Variants in ST6GALNAC5 observed in about 807,000 individuals in gnomAD.
The protein encoded by ST6GALNAC5 is ST6 N-acetylgalactosaminide alpha-2,6-sialyltransferase 5.
A neutral mutation model predicts 33.6 loss-of-function variants in ST6GALNAC5; 27 were observed. That is an observed-to-expected ratio of 0.80 (90% CI 0.59 to 1.11). ST6GALNAC5 has a LOEUF of 1.11. Ranked by LOEUF, ST6GALNAC5 falls within the 50% of genes least tolerant of loss-of-function variation. The probability of loss-of-function intolerance (pLI) is 0.00; values close to 1 mark genes in which losing one functional copy is unlikely to be tolerated. For missense variants in ST6GALNAC5, 428 were observed against 454.0 expected (o/e 0.94, Z 0.52); for synonymous variants, 194 against 171.2 (o/e 1.13, Z -1.04).
chr1:76,960,066 T>G (rs1448589622), intron 2 of ST6GALNAC5, among the ~76,000 whole-genome samples: 1 of 152,184 alleles, frequency 6.6e-6, no homozygotes, highest in Non-Finnish European at 1.5e-5. Context: ...ACCCCACTTT[T>G]AAATATACAC....
chr1:76,959,478 G>C (rs1343628143), intron 2 of ST6GALNAC5, among the ~76,000 whole-genome samples: 3 of 152,174 alleles, frequency 2.0e-5, no homozygotes, highest in Non-Finnish European at 4.4e-5. Flanking sequence ...TAGAACATAA[G>C]GAAACATGGC....
At chr1:76,903,367 TG>T (rs1033893073) in intron 2 of ST6GALNAC5, among the ~76,000 whole-genome samples, 2 of 152,144 alleles carry the variant, frequency 1.3e-5, no homozygotes, top group Non-Finnish European at 2.9e-5. Context: ...ATGGCTGTAT[TG>T]AAAAAAATAT....
intron 2 of ST6GALNAC5, among the ~76,000 whole-genome samples, chr1:76,897,109 C>T (rs1348035546): frequency 2.0e-5 from 3 of 151,624 alleles, no homozygotes; most frequent in African/African-American, 7.3e-5. Flanking sequence ...TTGGGCTTGA[C>T]TGAAGTAATG....
intron 4 of ST6GALNAC5, among the ~76,000 whole-genome samples, chr1:77,060,901 AG>A (rs1027476702): frequency 2.6e-5 from 4 of 152,204 alleles, no homozygotes; most frequent in African/African-American, 9.7e-5. Flanking sequence ...ATGGAATAAA[AG>A]CTTAACCCCA....
Position 76,868,475 on chromosome 1 carries a change from T to A in ST6GALNAC5, c.16-22T>A. The A allele has an allele frequency of 6.3e-7, 1 of 1,594,074 alleles. No homozygotes were observed. Among genetic ancestry groups the A allele is most frequent in the Admixed American group, 1.7e-5 (1 of 58,862 alleles). On this transcript the variant is annotated intron_variant, in intron 1 of 4. Coordinates refer to ENST00000477717, the MANE Select transcript of ST6GALNAC5 (RefSeq NM_030965.3). This position sits in a 1 kb window ranked among gnomAD's most constrained non-coding sequence, Gnocchi z 4.3. ...TGTCTGCGCTCAGCCGCTCTCCTCT[T>A]CTCTCTCCCGCCCGCCCGCAGCGCC...
At chr1:76,964,524 A>G (rs1648377973) in intron 2 of ST6GALNAC5, among the ~76,000 whole-genome samples, 1 of 152,054 alleles carries the variant, frequency 6.6e-6, no homozygotes, top group Non-Finnish European at 1.5e-5. Flanking sequence ...TGCTTGCTTG[A>G]TATTTTTTCA....
chr1:76,973,321 T>C (rs1648838665), intron 2 of ST6GALNAC5, among the ~76,000 whole-genome samples: 1 of 152,044 alleles, frequency 6.6e-6, no homozygotes. Flanking sequence ...AAGGATGGCC[T>C]GGCAGGTGAG....
intron 2 of ST6GALNAC5, among the ~76,000 whole-genome samples, chr1:76,870,214 C>T (rs1414415123): frequency 6.6e-6 from 1 of 152,174 alleles, no homozygotes; most frequent in Non-Finnish European, 1.5e-5. Context: ...TCTGCATGTG[C>T]AAGCAACCGA....
rs115932314 is a variant in ST6GALNAC5 at position 76,868,187 on chromosome 1, C to T, written c.16-310C>T. Among the ~76,000 whole-genome samples the T allele has an allele frequency of 0.039, 5,907 of 152,190 alleles. 193 individuals are homozygous for T. Among genetic ancestry groups the T allele is most frequent in the African/African-American group, 0.087 (3,621 of 41,530 alleles). The stretch of plus-strand genomic sequence containing the variant: ...TGGCTGCGCCAGACGGGCCCTTCCC[C>T]AAAGTGCAAACCCACCCCTGTCCTC... On this transcript the variant is annotated intron_variant, in intron 1 of 4. Transcript: ENST00000477717. The surrounding 1 kb of genome is among the most constrained non-coding windows in gnomAD (Gnocchi z 4.3).
chr1:76,909,623 C>T (rs552783849), intron 2 of ST6GALNAC5, among the ~76,000 whole-genome samples: 1 of 151,970 alleles, frequency 6.6e-6, no homozygotes, highest in African/African-American at 2.4e-5. Flanking sequence ...AACTTCCCAA[C>T]TTTTATATTA....
In ST6GALNAC5 at chr1:77,044,307, G is replaced by A. The variant is rs367738862; in HGVS notation, c.365G>A (p.Arg122His). The change falls in exon 3 of 5, where the codon CGC (arginine) becomes CAC (histidine). Residue 122 changes from arginine to histidine, a missense_variant. Arg to His is a conservative substitution (Grantham distance 29). Coordinates refer to ENST00000477717, the MANE Select transcript of ST6GALNAC5 (RefSeq NM_030965.3). ...ATTGACCAGACAGAGTGTGTCATCC[G>A]CATGAATGACGCCCCCACACGCGGC... ...SQIDQTECVIRMNDAPTRGYG... is the reference protein window; with the variant it reads ...SQIDQTECVIHMNDAPTRGYG... 6.8e-6 allele frequency: 11 copies of A among 1,613,848 alleles called. No homozygotes were observed. The highest frequency in any genetic ancestry group is 2.2e-5 in the East Asian group (1 of 44,856).
intron 2 of ST6GALNAC5, among the ~76,000 whole-genome samples, chr1:76,939,799 A>G (rs1226504711): frequency 6.6e-6 from 1 of 152,142 alleles, no homozygotes; most frequent in Non-Finnish European, 1.5e-5. Flanking sequence ...ATACAGCAAG[A>G]CAAACATAGT....
chr1:77,066,707 G>A lies in ST6GALNAC5; in HGVS notation c.*3501G>A, dbSNP rs1350744276. 6.6e-6 allele frequency among the ~76,000 whole-genome samples: 1 copy of A among 152,186 alleles called. No individual in the cohort carries two copies. Among genetic ancestry groups the A allele is most frequent in the African/African-American group, 2.4e-5 (1 of 41,446 alleles). ...CATGTTCCTATTCTCTCTCTGCAGT[G>A]TTGGGAGGTGATGTTAACACTCTAC... On this transcript the variant is annotated 3_prime_UTR_variant, in exon 5 of 5. Transcript: ENST00000477717.
At position 76,905,714 on chromosome 1, in the gene ST6GALNAC5, T is replaced by C. The variant is rs1036127954; in HGVS notation, c.261+36972T>C. On this transcript the variant is annotated intron_variant, in intron 2 of 4. Coordinates refer to ENST00000477717, the MANE Select transcript of ST6GALNAC5 (RefSeq NM_030965.3). ...AGACAAAACTTCTGTATTGCAAAGT[T>C]ATTTTAATAGAATAAAATCTTAGTT... Among the ~76,000 whole-genome samples, 3 of 152,254 alleles carry C rather than the reference T, an allele frequency of 2.0e-5. No individual in the cohort carries two copies. In the East Asian group the frequency reaches 5.8e-4, roughly 29 times the overall value.
At chr1:76,922,259 A>G (rs1231026049) in intron 2 of ST6GALNAC5, among the ~76,000 whole-genome samples, 1 of 152,206 alleles carries the variant, frequency 6.6e-6, no homozygotes, top group East Asian at 1.9e-4. Flanking sequence ...TAAAACATTT[A>G]CAATCACTCC....
intron 2 of ST6GALNAC5, among the ~76,000 whole-genome samples, chr1:76,979,204 A>G (rs1343987345): frequency 1.3e-5 from 2 of 152,192 alleles, no homozygotes; most frequent in Non-Finnish European, 2.9e-5. Flanking sequence ...ACCTAAAGCT[A>G]GCTGCAGATT....
At chr1:76,902,331 T>C (rs1570655012) in intron 2 of ST6GALNAC5, among the ~76,000 whole-genome samples, 1 of 152,268 alleles carries the variant, frequency 6.6e-6, no homozygotes, top group Middle Eastern at 3.4e-3. Flanking sequence ...AAACTAATAC[T>C]CTGAGAACTA....
chr1:76,891,378 G>A (rs1324887652), intron 2 of ST6GALNAC5, among the ~76,000 whole-genome samples: 1 of 151,994 alleles, frequency 6.6e-6, no homozygotes, highest in Non-Finnish European at 1.5e-5. Flanking sequence ...TGTGCTTATT[G>A]TCTATTTGTA....
intron 2 of ST6GALNAC5, among the ~76,000 whole-genome samples, chr1:76,889,567 G>C (rs375776112): frequency 1.2e-3 from 188 of 152,176 alleles, no homozygotes; most frequent in Non-Finnish European, 2.3e-3. Flanking sequence ...TCCCATCATT[G>C]TTGATATTGA....
Sources: allele counts gnomAD v4.1 joint callset (sites outside exome capture counted in the v4.1 genomes callset), GRCh38; gene constraint gnomAD v4.1.1; non-coding constraint Gnocchi (gnomAD v3.1); transcripts MANE v1.5; gene names NCBI Gene and HGNC (gene_info 2026-07-23, HGNC 2026-07-21).